The following ADCY9 variants were observed in gnomAD, a reference collection of about 807,000 sequenced individuals.
ADCY9 encodes adenylate cyclase 9.
ADCY9 carries 50 observed loss-of-function variants against 101.5 expected under a neutral mutation model. That is an observed-to-expected ratio of 0.49 (90% CI 0.39 to 0.62). ADCY9 has a LOEUF of 0.62. Ranked by LOEUF, ADCY9 falls within the 20% of genes least tolerant of loss-of-function variation. The pLI is 0.00. For missense variants in ADCY9, 1,662 were observed against 1,800.4 expected, an observed-to-expected ratio of 0.92 and a Z score of 1.39; for synonymous variants, 905 against 769.3, an observed-to-expected ratio of 1.18 and a Z score of -2.92.
chr16:3,979,274 T>C lies in ADCY9; in HGVS notation c.2521A>G (p.Met841Val). 1 of 1,613,604 alleles carries C rather than the reference T, an allele frequency of 6.2e-7. No individual in the cohort carries two copies. Reference sequence around the variant, plus strand: ...ATGACGTCCTCCAGGAAGAACACCATCCTGCGAGAGGCATGGGGGTTAGCA... The same window carrying C: ...ATGACGTCCTCCAGGAAGAACACCACCCTGCGAGAGGCATGGGGGTTAGCA... ...EVLSLAVSIR[M>V]VFFLEDVMAC... Residue 841 changes from methionine (M) to valine (V), a missense_variant and splice_region_variant, in exon 8 of 11, where the codon ATG becomes GTG. This residue lies in a region of ADCY9 where 624 missense variants were observed against 639.1 expected (regional missense o/e 0.98). Coordinates refer to ENST00000294016, the MANE Select transcript of ADCY9 (RefSeq NM_001116.4).
chr16:4,114,174 G>T lies in ADCY9; in HGVS notation c.1269C>A (p.Phe423Leu). The T allele has an allele frequency of 6.2e-7, 1 of 1,613,896 alleles. No individual in the cohort carries two copies. ...CCTCACACAGGCGGTCGAAGCGACC[G>T]AACAGATCGTTCAGGAGACCCACCA... is the stretch of plus-strand genomic sequence containing the variant. ...HALVGLLNDLFGRFDRLCEET... is the reference protein window; with the variant it reads ...HALVGLLNDLLGRFDRLCEET... The change falls in exon 2 of 11, where the codon TTC becomes TTA. Residue 423 changes from phenylalanine (F) to leucine (L), a missense_variant. Transcript: ENST00000294016. This position sits in a 1 kb window ranked among gnomAD's most constrained non-coding sequence, Gnocchi z 4.3.
intron 3 of ADCY9, among the ~76,000 whole-genome samples, chr16:4,001,739 GTTTTT>G (rs60955922): frequency 7.1e-6 from 1 of 140,270 alleles, no homozygotes; most frequent in Non-Finnish European, 1.5e-5. Flanking sequence ...TGTAGAGATG[GTTTTT>G]TTTTTTTATT....
At chr16:4,040,204 A>G (rs567948534) in intron 2 of ADCY9, among the ~76,000 whole-genome samples, 1 of 152,346 alleles carries the variant, frequency 6.6e-6, no homozygotes, top group South Asian at 2.1e-4. Context: ...ACTCAAAGAT[A>G]GGCAGAGCCC....
chr16:3,987,015 G>T (rs2141695454), intron 6 of ADCY9, among the ~76,000 whole-genome samples: 1 of 152,370 alleles, frequency 6.6e-6, no homozygotes, highest in Non-Finnish European at 1.5e-5. Flanking sequence ...CCCTGCCCCG[G>T]ATGCGCCTGC....
intron 3 of ADCY9, among the ~76,000 whole-genome samples, chr16:4,001,280 C>T (rs1365723142): frequency 6.6e-6 from 1 of 152,194 alleles, no homozygotes; most frequent in African/African-American, 2.4e-5. Context: ...GGGGGTTCCT[C>T]TGTCTTTCTC....
chr16:4,085,337 G>T (rs1400252749), intron 2 of ADCY9, among the ~76,000 whole-genome samples: 2 of 152,130 alleles, frequency 1.3e-5, no homozygotes, highest in Non-Finnish European at 2.9e-5. Context: ...ACTCCAGCCT[G>T]GGCGACAGAG....
At chr16:4,041,282 C>G (rs1388299719) in intron 2 of ADCY9, among the ~76,000 whole-genome samples, 1 of 152,100 alleles carries the variant, frequency 6.6e-6, no homozygotes, top group Non-Finnish European at 1.5e-5. Flanking sequence ...GCAGGTGGAT[C>G]ACCTGAGGTC....
At chr16:4,111,207 G>T (rs761856884) in intron 2 of ADCY9, among the ~76,000 whole-genome samples, 2 of 152,212 alleles carry the variant, frequency 1.3e-5, no homozygotes, top group Non-Finnish European at 2.9e-5. Context: ...GCCGCTACTG[G>T]CTGCTTTTTA....
chr16:4,110,104 G>A (rs1204379441), intron 2 of ADCY9, among the ~76,000 whole-genome samples: 2 of 152,092 alleles, frequency 1.3e-5, no homozygotes, highest in African/African-American at 4.8e-5. Context: ...CCCCACTCCC[G>A]AACATACTCC....
intron 2 of ADCY9, among the ~76,000 whole-genome samples, chr16:4,084,850 C>G (rs2056927680): frequency 6.6e-6 from 1 of 152,126 alleles, no homozygotes; most frequent in South Asian, 2.1e-4. Flanking sequence ...AGGAACGACC[C>G]ATATTCCTGT....
chr16:3,973,849 T>C (rs1230852656), intron 10 of ADCY9, among the ~76,000 whole-genome samples: 3 of 152,066 alleles, frequency 2.0e-5, no homozygotes, highest in Non-Finnish European at 4.4e-5. Context: ...CATCTTTTCG[T>C]TGTGGTTCTA....
chr16:4,042,907 C>T (rs529208794), intron 2 of ADCY9, among the ~76,000 whole-genome samples: 1 of 152,320 alleles, frequency 6.6e-6, no homozygotes, highest in East Asian at 1.9e-4. Flanking sequence ...CTCTGTGCTT[C>T]GTTTCTCCCC....
At chr16:4,103,658 C>T (rs545943410) in intron 2 of ADCY9, among the ~76,000 whole-genome samples, 196 of 152,264 alleles carry the variant, frequency 1.3e-3, no homozygotes, top group African/African-American at 4.5e-3. Flanking sequence ...GGCGAAACCC[C>T]GTCTCTACCA....
intron 2 of ADCY9, among the ~76,000 whole-genome samples, chr16:4,027,674 C>T (rs538661098): frequency 3.3e-5 from 5 of 152,180 alleles, no homozygotes; most frequent in South Asian, 4.1e-4. Context: ...CTCAAGAGTT[C>T]GAGACCAGCC....
Position 3,977,513 on chromosome 16 carries a change from G to C in ADCY9, c.2797C>G (p.Leu933Val). The C allele has an allele frequency of 6.3e-7, 1 of 1,580,644 alleles. No homozygotes were observed. The highest frequency in any genetic ancestry group is 8.6e-7 in the Non-Finnish European group (1 of 1,163,390). Residue 933 changes from leucine to valine, a missense_variant, in exon 9 of 11, where the codon CTC becomes GTC. This residue lies in a region of ADCY9 where 624 missense variants were observed against 639.1 expected (regional missense o/e 0.98). Coordinates refer to ENST00000294016, the MANE Select transcript of ADCY9 (RefSeq NM_001116.4). ...LATVVGAGPL[L>V]LLYVSLCPDS... ...GGGCACAGGGAGACGTAGAGCAGGA[G>C]CAGCGGCCCGGCCCCCACGACGGTG... is the stretch of plus-strand genomic sequence containing the variant.
chr16:3,969,075 C>T (rs189916752), intron 10 of ADCY9, among the ~76,000 whole-genome samples: 65 of 152,180 alleles, frequency 4.3e-4, no homozygotes, highest in African/African-American at 1.4e-3. Flanking sequence ...CCACCCGCCT[C>T]GGCCTCCCAA....
chr16:4,056,210 T>A (rs996559586), intron 2 of ADCY9, among the ~76,000 whole-genome samples: 5 of 152,216 alleles, frequency 3.3e-5, no homozygotes, highest in African/African-American at 9.6e-5. Flanking sequence ...GCCCAGCAGT[T>A]TTCCTACCTG....
At chr16:4,076,662 G>C (rs1376988538) in intron 2 of ADCY9, among the ~76,000 whole-genome samples, 8 of 68,584 alleles carry the variant, frequency 1.2e-4, no homozygotes. Context: ...CTAGAAGATA[G>C]ACGCACTGAC....
At chr16:4,010,915 T>TCGAGCCACAGC (rs778081436) in intron 2 of ADCY9, among the ~76,000 whole-genome samples, 178 of 152,282 alleles carry the variant, frequency 1.2e-3, no homozygotes, top group Non-Finnish European at 1.8e-3. Context: ...GCCCTCCAGT[T>TCGAGCCACAGC]TCCTTCTCCC....
Sources: allele counts gnomAD v4.1 joint callset (sites outside exome capture counted in the v4.1 genomes callset), GRCh38; gene constraint gnomAD v4.1.1; regional missense constraint gnomAD v4.1.1; non-coding constraint Gnocchi (gnomAD v3.1); transcripts MANE v1.5; gene names NCBI Gene and HGNC (gene_info 2026-07-23, HGNC 2026-07-21).